Variants in APAF1 observed in about 807,000 individuals in gnomAD.
The protein encoded by APAF1 is apoptotic peptidase activating factor 1, also known as apoptotic protease-activating factor 1.
A neutral mutation model predicts 152.4 loss-of-function variants in APAF1; 91 were observed. The observed-to-expected ratio is 0.60, with a 90% CI of 0.50 to 0.71. APAF1 has a LOEUF of 0.71. Ranked by LOEUF, APAF1 falls within the 30% of genes least tolerant of loss-of-function variation. The pLI is 0.00. For missense variants in APAF1, 1,283 were observed against 1,472.0 expected (o/e 0.87, Z 2.10); for synonymous variants, 484 against 494.1 (o/e 0.98, Z 0.27).
chr12:98,713,642 C>G (rs1215329004), intron 21 of APAF1, among the ~76,000 whole-genome samples: 1 of 152,174 alleles, frequency 6.6e-6, no homozygotes. Context: ...GAAATTCATC[C>G]CAAAAGCACA....
At chr12:98,732,251 G>A (rs2097763323) in intron 26 of APAF1, among the ~76,000 whole-genome samples, 169 bp from the exon 27 acceptor site, 1 of 152,224 alleles carries the variant, frequency 6.6e-6, no homozygotes, top group Non-Finnish European at 1.5e-5. Flanking sequence ...TCATCAGGAA[G>A]AGGCTGACCA....
In APAF1 at chr12:98,699,503, A is replaced by G. The variant is rs372032284; in HGVS notation, c.2400A>G (p.Ile800Met). ...LEDPQEDMEV[I>M]VKCCSWSADG... ...ACCCTCAAGAGGATATGGAAGTGAT[A>G]GTGAAGTGTTGTTCGTGGTCTGCTG... The change falls in exon 17 of 27, where the codon ATA (isoleucine) becomes ATG (methionine). Residue 800 changes from isoleucine to methionine, a missense_variant. Ile to Met is a conservative substitution (Grantham distance 10, BLOSUM62 1). Transcript: ENST00000551964. 2 of 1,614,090 alleles carry G rather than the reference A, an allele frequency of 1.2e-6. No individual in the cohort carries two copies. Among genetic ancestry groups the G allele is most frequent in the East Asian group, 4.5e-5 (2 of 44,884 alleles).
chr12:98,686,266 A>G (rs1229685047), intron 15 of APAF1, among the ~76,000 whole-genome samples: 1 of 152,096 alleles, frequency 6.6e-6, no homozygotes, highest in African/African-American at 2.4e-5. Context: ...TATTAGAGCA[A>G]TTTAGTCATT....
intron 4 of APAF1, among the ~76,000 whole-genome samples, chr12:98,656,210 C>A (rs1460603992): frequency 6.6e-6 from 1 of 152,198 alleles, no homozygotes; most frequent in Non-Finnish European, 1.5e-5. Context: ...GCCACCGTGC[C>A]AGGCTCTAAA....
intron 16 of APAF1, among the ~76,000 whole-genome samples, chr12:98,692,169 G>A (rs1311888234): frequency 6.6e-6 from 1 of 152,016 alleles, no homozygotes; most frequent in Non-Finnish European, 1.5e-5. Context: ...TGCAAGCTCC[G>A]CCTCCTGGGT....
rs1157397184 is a variant in APAF1 at position 98,727,065 on chromosome 12, G to A, written c.3457-108G>A. The A allele has an allele frequency of 4.2e-5, 43 of 1,021,834 alleles. No homozygotes were observed. The East Asian group carries it at 1.0e-3, about 24-fold the overall frequency. 63.3% of individuals were successfully genotyped at this position (1,021,834 alleles called of 1,614,324 possible). ...CTGTGTTAGGGTTGTTTATAATAAA[G>A]TCTAGTAAAATAATTTTAGAATACA... On this transcript the variant is annotated intron_variant, in intron 25 of 26. Transcript: ENST00000551964.
intron 22 of APAF1, among the ~76,000 whole-genome samples, chr12:98,716,664 T>G (rs2097735045): frequency 6.6e-6 from 1 of 152,218 alleles, no homozygotes; most frequent in Non-Finnish European, 1.5e-5. Flanking sequence ...ATTCATTGTT[T>G]TGGATATTCA....
At chr12:98,723,079 C>G in intron 22 of APAF1, 114 bp from the exon 23 acceptor site, 1 of 1,092,882 alleles carries the variant, frequency 9.2e-7, no homozygotes, top group South Asian at 1.3e-5. Context: ...CTCTGTTTTA[C>G]TGAAATGCCA....
intron 7 of APAF1, among the ~76,000 whole-genome samples, chr12:98,663,604 T>TAAAA (rs1268328274): frequency 6.6e-6 from 1 of 152,212 alleles, no homozygotes; most frequent in Non-Finnish European, 1.5e-5. Flanking sequence ...TATCAACTCT[T>TAAAA]AAAATTATTT....
chr12:98,661,381 G>T (rs561569053), intron 5 of APAF1, among the ~76,000 whole-genome samples: 1 of 152,206 alleles, frequency 6.6e-6, no homozygotes, highest in East Asian at 1.9e-4. Context: ...AGCTTACAAA[G>T]CCAGGCATAT....
chr12:98,702,686 G>C (rs1461988290), intron 17 of APAF1, among the ~76,000 whole-genome samples: 1 of 151,792 alleles, frequency 6.6e-6, no homozygotes, highest in Middle Eastern at 3.2e-3. Context: ...TTAGCTGGGC[G>C]TGGTGGTGCA....
rs186604592 is a variant in APAF1, at chr12:98,688,215, C to G, written c.2304+1342C>G. Among the ~76,000 whole-genome samples the G allele has an allele frequency of 1.4e-4, 22 of 152,248 alleles. No individual in the cohort carries two copies. The East Asian group carries it at 3.5e-3, about 24-fold the overall frequency. On this transcript the variant is annotated intron_variant, in intron 16 of 26. Transcript: ENST00000551964. ...TCCCCACCTTCTCCAATAAGATTCCCAATTCCACTTTATTATTCCTGTCTC... is the reference window on the plus strand; with the variant it reads ...TCCCCACCTTCTCCAATAAGATTCCGAATTCCACTTTATTATTCCTGTCTC...
chr12:98,732,197 G>T (rs1454467401), intron 26 of APAF1, among the ~76,000 whole-genome samples: 1 of 152,216 alleles, frequency 6.6e-6, no homozygotes, highest in Non-Finnish European at 1.5e-5. Flanking sequence ...CAACTCAACG[G>T]TTGGAGTTGG....
At chr12:98,700,419 T>C (rs2097714128) in intron 17 of APAF1, among the ~76,000 whole-genome samples, 1 of 152,196 alleles carries the variant, frequency 6.6e-6, no homozygotes, top group Non-Finnish European at 1.5e-5. Context: ...AAGAACTCAC[T>C]GAGGGATCAT....
intron 4 of APAF1, among the ~76,000 whole-genome samples, chr12:98,653,270 G>A (rs2097651198): frequency 6.6e-6 from 1 of 152,058 alleles, no homozygotes; most frequent in Non-Finnish European, 1.5e-5. Context: ...TAAAAGTACA[G>A]ATAATATAAG....
At chr12:98,700,859 C>T (rs1032455801) in intron 17 of APAF1, among the ~76,000 whole-genome samples, 19 of 152,140 alleles carry the variant, frequency 1.2e-4, no homozygotes, top group African/African-American at 3.6e-4. Context: ...CATATAATAT[C>T]GGTCCTTTTG....
At chr12:98,711,274 CTG>C (rs1384378520) in intron 20 of APAF1, among the ~76,000 whole-genome samples, 2 of 152,110 alleles carry the variant, frequency 1.3e-5, no homozygotes, top group African/African-American at 4.8e-5. Context: ...TCTTTAATGA[CTG>C]TTGTAACTGT....
intron 16 of APAF1, among the ~76,000 whole-genome samples, chr12:98,694,640 T>C (rs1241760793): frequency 6.6e-6 from 1 of 152,152 alleles, no homozygotes; most frequent in Non-Finnish European, 1.5e-5. Context: ...GTATCTTTTA[T>C]CTTTTTATGG....
intron 14 of APAF1, among the ~76,000 whole-genome samples, chr12:98,680,685 G>A (rs1230232473): frequency 2.0e-5 from 3 of 152,068 alleles, no homozygotes; most frequent in African/African-American, 4.8e-5. Flanking sequence ...CAAAGTGTTA[G>A]GATTATAGGT....
Sources: allele counts gnomAD v4.1 joint callset (sites outside exome capture counted in the v4.1 genomes callset), GRCh38; gene constraint gnomAD v4.1.1; transcripts MANE v1.5; gene names NCBI Gene and HGNC (gene_info 2026-07-23, HGNC 2026-07-21).